The following HADHA variants were observed in gnomAD, a reference collection of about 807,000 sequenced individuals.
HADHA encodes the protein hydroxyacyl-CoA dehydrogenase trifunctional multienzyme complex subunit alpha.
Under a neutral mutation model 91.3 loss-of-function variants are expected in HADHA, and 59 were observed. The observed-to-expected ratio is 0.65, with a 90% CI of 0.52 to 0.80. The LOEUF is 0.80. HADHA is among the 30% of genes least tolerant of loss of function. HADHA has a pLI of 0.00. For synonymous variants in HADHA, 320 were observed against 338.9 expected (o/e 0.94, Z 0.61); for missense variants, 800 against 927.6 (o/e 0.86, Z 1.79).
At chr2:26,242,732 C>T (rs1332402907) in intron 1 of HADHA, among the ~76,000 whole-genome samples, 2 of 152,182 alleles carry the variant, frequency 1.3e-5, no homozygotes, top group Non-Finnish European at 2.9e-5. Context: ...AGGTCCAAAC[C>T]CAGAAGTCAG....
intron 6 of HADHA, among the ~76,000 whole-genome samples, chr2:26,230,662 G>C (rs895625533): frequency 6.6e-6 from 1 of 152,052 alleles, no homozygotes; most frequent in Non-Finnish European, 1.5e-5. Flanking sequence ...GCTCACACCT[G>C]TAATTCCAGC....
At chr2:26,192,186 A>G (rs1669526353) in intron 18 of HADHA, 124 bp downstream of exon 18, 1 of 663,564 alleles carries the variant, frequency 1.5e-6, no homozygotes, top group African/African-American at 1.8e-5. Context: ...CCTATGTAAC[A>G]AACCTGCACA....
At chr2:26,241,589 T>C (rs1231628439) in intron 1 of HADHA, among the ~76,000 whole-genome samples, 1 of 151,736 alleles carries the variant, frequency 6.6e-6, no homozygotes, top group African/African-American at 2.4e-5. Flanking sequence ...AGGCGGAGGT[T>C]GCAGTGAGCC....
chr2:26,239,580 T>C (rs2080203840), intron 1 of HADHA, among the ~76,000 whole-genome samples: 1 of 151,704 alleles, frequency 6.6e-6, no homozygotes, highest in African/African-American at 2.4e-5. Flanking sequence ...GAAGGTGGAG[T>C]GGAATAGGGG....
In HADHA at chr2:26,192,350, T is replaced by C; in HGVS notation, c.1960A>G (p.Ser654Gly). The C allele has an allele frequency of 6.2e-7, 1 of 1,609,098 alleles. No individual in the cohort carries two copies. The highest frequency in any genetic ancestry group is 8.5e-7 in the Non-Finnish European group (1 of 1,175,372). The change falls in exon 18 of 20, where the codon AGT (serine) becomes GGT (glycine). Residue 654 changes from serine to glycine, a missense_variant. By Grantham distance (56) the Ser-to-Gly change is moderately conservative. Coordinates refer to ENST00000380649, the MANE Select transcript of HADHA (RefSeq NM_000182.5). ...GGCAGCTTCAGACTCGCTAAAATAC[T>C]ATCCATGTCAGAATTCAAATCCTTC... ...KRKDLNSDMD[S>G]ILASLKLPPK...
Position 26,214,545 on chromosome 2 carries a change from G to T in HADHA, c.816C>A (p.Ala272=), listed in dbSNP as rs764851270. 2.5e-5 allele frequency: 39 copies of T among 1,580,034 alleles called. No homozygotes were observed. Among genetic ancestry groups the T allele is most frequent in the Admixed American group, 2.0e-4 (12 of 59,958 alleles). The change falls in exon 9 of 20, where the codon GCC becomes GCA. Residue 272 remains alanine, a synonymous_variant. Coordinates refer to ENST00000380649, the MANE Select transcript of HADHA (RefSeq NM_000182.5). The surrounding 1 kb of genome is among the most constrained non-coding windows in gnomAD (Gnocchi z 4.1). The part of the protein sequence containing the change: ...KGLVEKLTAY[A]MTIPFVRQQV... ...GTTGCCTGACAAATGGAATAGTCAT[G>T]GCATACGCTGTCAATTCTGTAAAAT...
intron 11 of HADHA, among the ~76,000 whole-genome samples, chr2:26,209,563 T>C (rs556112081): frequency 3.5e-4 from 54 of 152,228 alleles, no homozygotes; most frequent in Middle Eastern, 3.4e-3. Context: ...AAAGCCTCTA[T>C]AGGAATGACC....
Position 26,212,093 on chromosome 2 carries a change from T to G in HADHA, c.975+477A>C, listed in dbSNP as rs1203111418. On this transcript the variant is annotated intron_variant, in intron 10 of 19. Coordinates refer to ENST00000380649, the MANE Select transcript of HADHA (RefSeq NM_000182.5). ...CATAGGGTTTTTTCTTTTTTTTCTT[T>G]TTTTTTGGAGACAGGGTCTCACTTT... 2.4e-5 allele frequency: 4 copies of G among 169,086 alleles called. No homozygotes were observed. In the East Asian group the frequency reaches 6.7e-4, roughly 28 times the overall value. The allele number at this position is 169,086 out of a possible 1,614,324, so 10.5% of individuals were successfully genotyped here.
chr2:26,224,343 T>C (rs1670440373), intron 7 of HADHA, among the ~76,000 whole-genome samples: 1 of 152,252 alleles, frequency 6.6e-6, no homozygotes, highest in Non-Finnish European at 1.5e-5. Flanking sequence ...TACTCTGATA[T>C]TTGATAGCTC....
chr2:26,191,574 T>C lies in HADHA; in HGVS notation c.2055A>G (p.Ala685=). The C allele has an allele frequency of 6.2e-7, 1 of 1,614,120 alleles. No individual in the cohort carries two copies. Among genetic ancestry groups the C allele is most frequent in the Non-Finnish European group, 8.5e-7 (1 of 1,179,944 alleles). Residue 685 remains alanine (A), a synonymous_variant, in exon 19 of 20, where the codon GCA becomes GCG. Transcript: ENST00000380649. ...FRLVTRFVNE[A]VMCLQEGILA... is the part of the protein sequence containing the mutation. ...AGATCCCCTCTTGCAGGCACATGAC[T>C]GCCTCATTCACAAATCTTGTCACCA...
chr2:26,192,316 G>GACTT lies in HADHA; in HGVS notation c.1990_1993dup (p.Ser665Ter), dbSNP rs757671025. ...GCCACTCAAACGGACTTACACTTCA[G>GACTT]ACTTAGGAGGCAGCTTCAGACTCGC... On this transcript the variant is annotated stop_gained and frameshift_variant, in exon 18 of 20. Coordinates refer to ENST00000380649, the MANE Select transcript of HADHA (RefSeq NM_000182.5). LOFTEE classifies it high-confidence loss of function. 6.4e-7 allele frequency: 1 copy of GACTT among 1,553,566 alleles called. No individual in the cohort carries two copies.
intron 17 of HADHA, 45 bp from the exon 18 acceptor site, chr2:26,192,469 AG>A (rs1558314107): frequency 1.9e-6 from 2 of 1,049,768 alleles, no homozygotes; most frequent in Admixed American, 3.4e-5. Flanking sequence ...GTTCTCAGGG[AG>A]GGAGTGTTAC....
At chr2:26,215,705 T>C (rs1670200412) in intron 7 of HADHA, among the ~76,000 whole-genome samples, 2 of 152,114 alleles carry the variant, frequency 1.3e-5, no homozygotes, top group African/African-American at 4.8e-5. Context: ...AGTGAAACCA[T>C]CAGAGTTTTT....
intron 7 of HADHA, among the ~76,000 whole-genome samples, chr2:26,225,042 G>T (rs1025199178): frequency 6.6e-6 from 1 of 152,158 alleles, no homozygotes; most frequent in South Asian, 2.1e-4. Context: ...GCTTACTCTA[G>T]AATGGAGAAC....
chr2:26,201,112 C>T (rs1391472720), intron 13 of HADHA, 37 bp downstream of exon 13: 1 of 1,502,666 alleles, frequency 6.7e-7, no homozygotes, highest in Non-Finnish European at 9.3e-7. Flanking sequence ...TTTCTGTTCA[C>T]TACACTAGGA....
chr2:26,227,267 T>G (rs1670505874), intron 7 of HADHA, among the ~76,000 whole-genome samples: 2 of 152,158 alleles, frequency 1.3e-5, no homozygotes, highest in African/African-American at 2.4e-5. Context: ...ATCTCAGCAC[T>G]TTGGGAGGCC....
rs1274694621 is a variant in HADHA, at chr2:26,195,119, C to T, written c.1593G>A (p.Lys531=). 2 of 1,613,548 alleles carry T rather than the reference C, an allele frequency of 1.2e-6. No individual in the cohort carries two copies. The highest frequency in any genetic ancestry group is 1.7e-5 in the Admixed American group (1 of 59,982). The change falls in exon 15 of 20, where the codon AAG becomes AAA. Residue 531 remains lysine (K), a synonymous_variant. Coordinates refer to ENST00000380649, the MANE Select transcript of HADHA (RefSeq NM_000182.5). ...TAACCACAATGATGACCTTCCCCTG[C>T]TTGAGACCAACTGCTACAGCTGAAG... ...TSASAVAVGL[K]QGKVIIVVKD...
In HADHA at chr2:26,210,224, C is replaced by T. The variant is rs867590230; in HGVS notation, c.976-335G>A. Among the ~76,000 whole-genome samples, 1 of 152,318 alleles carries T rather than the reference C, an allele frequency of 6.6e-6. No individual in the cohort carries two copies. Among genetic ancestry groups the T allele is most frequent in the African/African-American group, 2.4e-5 (1 of 41,560 alleles). On this transcript the variant is annotated intron_variant, in intron 10 of 19. Coordinates refer to ENST00000380649, the MANE Select transcript of HADHA (RefSeq NM_000182.5). The surrounding 1 kb of genome is among the most constrained non-coding windows in gnomAD (Gnocchi z 4.0). ...AATGAGCCTCCACAATCATCTCAAA[C>T]CAACCCTCTCATTTTACAGATTGGG...
At chr2:26,201,756 T>A (rs561134184) in intron 12 of HADHA, among the ~76,000 whole-genome samples, 1 of 152,292 alleles carries the variant, frequency 6.6e-6, no homozygotes, top group South Asian at 2.1e-4. Context: ...TTATCGCAAA[T>A]ATATAATTTT....
Sources: gnomAD v4.1 joint callset for allele counts (sites outside exome capture counted in the v4.1 genomes callset) on GRCh38, gnomAD v4.1.1 for gene constraint, Gnocchi (gnomAD v3.1) non-coding constraint, MANE v1.5 for transcripts, NCBI Gene and HGNC (gene_info 2026-07-23, HGNC 2026-07-21) for gene names.